ADAM23: variants seen among roughly 807,000 people sequenced by gnomAD.
The protein encoded by ADAM23 is disintegrin and metalloproteinase domain-containing protein 23.
Under a neutral mutation model 120.1 loss-of-function variants are expected in ADAM23, and 33 were observed. The ratio of observed to expected loss-of-function variants is 0.27; its 90% CI spans 0.21 to 0.37. ADAM23 has a LOEUF of 0.37. Among genes scored for constraint, ADAM23 ranks in the 10% least tolerant of loss-of-function variants. ADAM23 has a pLI of 1.00. For synonymous variants in ADAM23, 367 were observed against 375.2 expected, an observed-to-expected ratio of 0.98 and a Z score of 0.25; for missense variants, 862 against 1,058.2, an observed-to-expected ratio of 0.81 and a Z score of 2.57.
At chr2:206,539,459 A>C (rs1697246830) in intron 4 of ADAM23, among the ~76,000 whole-genome samples, 1 of 152,192 alleles carries the variant, frequency 6.6e-6, no homozygotes, top group Non-Finnish European at 1.5e-5. Flanking sequence ...TAACTGGAGA[A>C]AGAAACATGG....
At chr2:206,606,824 T>C (rs991222765) in intron 24 of ADAM23, 25 of 152,220 alleles carry the variant, frequency 1.6e-4, no homozygotes, top group African/African-American at 6.0e-4. Flanking sequence ...CATAACCCTT[T>C]ACACAGTCTT....
intron 9 of ADAM23, among the ~76,000 whole-genome samples, chr2:206,556,386 A>C (rs1697643050): frequency 6.6e-6 from 1 of 152,208 alleles, no homozygotes; most frequent in Admixed American, 6.5e-5. Flanking sequence ...AAATAAAAGA[A>C]TTTTCTAATG....
Position 206,567,277 on chromosome 2 carries a change from T to C in ADAM23, c.1449T>C (p.Phe483=). 1 of 1,614,004 alleles carries C rather than the reference T, an allele frequency of 6.2e-7. No individual in the cohort carries two copies. Among genetic ancestry groups the C allele is most frequent in the East Asian group, 2.2e-5 (1 of 44,874 alleles). The change falls in exon 15 of 26, where the codon TTT becomes TTC. Residue 483 remains phenylalanine, a synonymous_variant. Transcript: ENST00000264377. ...SKCSILEYRD[F]LQRGGGACLF... ...GCAGCATTTTGGAGTATAGAGACTT[T>C]TTACAGAGAGGAGGTGGAGCCTGCC...
intron 25 of ADAM23, among the ~76,000 whole-genome samples, chr2:206,610,529 C>T (rs918250002): frequency 3.3e-5 from 5 of 152,144 alleles, no homozygotes; most frequent in African/African-American, 7.2e-5. Context: ...GTATAATCCT[C>T]GACCAACTGA....
At chr2:206,598,787 C>A (rs767128393) in intron 24 of ADAM23, among the ~76,000 whole-genome samples, 1 of 150,922 alleles carries the variant, frequency 6.6e-6, no homozygotes, top group African/African-American at 2.4e-5. Flanking sequence ...ATAATCCCAG[C>A]TACTTGGGAG....
At chr2:206,477,556 T>G (rs924632534) in intron 2 of ADAM23, among the ~76,000 whole-genome samples, 3 of 152,104 alleles carry the variant, frequency 2.0e-5, no homozygotes, top group Admixed American at 6.6e-5. Context: ...CAAGGCTGTT[T>G]AACAGATATC....
intron 2 of ADAM23, among the ~76,000 whole-genome samples, chr2:206,463,634 A>G (rs1165018072): frequency 6.6e-6 from 1 of 152,182 alleles, no homozygotes; most frequent in Non-Finnish European, 1.5e-5. Context: ...CCGAAAAGGA[A>G]GGTTTAGGAG....
At chr2:206,550,039 A>G in intron 8 of ADAM23, 56 bp from the exon 9 acceptor site, 1 of 1,092,088 alleles carries the variant, frequency 9.2e-7, no homozygotes. Flanking sequence ...AACAGTGAGC[A>G]CTAGAGAGAT....
At chr2:206,455,307 A>G (rs1186749549) in intron 2 of ADAM23, among the ~76,000 whole-genome samples, 1 of 152,214 alleles carries the variant, frequency 6.6e-6, no homozygotes, top group Non-Finnish European at 1.5e-5. Context: ...AGCCATGGCT[A>G]GAGCTGGAGT....
Position 206,542,193 on chromosome 2 carries a change from G to GAT in ADAM23, c.656+68_656+69dup, listed in dbSNP as rs1441345069. The stretch of plus-strand genomic sequence containing the variant: ...GACCCTTTCCAGTTTCCCTTTTATG[G>GAT]ATATATATATTTTAGTGACTCTTCC... On this transcript the variant is annotated intron_variant, in intron 5 of 25. Coordinates refer to ENST00000264377, the MANE Select transcript of ADAM23 (RefSeq NM_003812.4). 17 of 1,522,858 alleles carry GAT rather than the reference G, an allele frequency of 1.1e-5. No individual in the cohort carries two copies. In the Admixed American group the frequency reaches 2.5e-4, roughly 23 times the overall value. 94.3% of individuals were successfully genotyped at this position (1,522,858 alleles called of 1,614,324 possible). A position where few individuals can be genotyped will look rare whatever the true frequency, so the allele number is the denominator to read the frequency against.
intron 18 of ADAM23, among the ~76,000 whole-genome samples, chr2:206,578,580 A>G (rs541930782): frequency 1.6e-4 from 24 of 152,024 alleles, no homozygotes; most frequent in Non-Finnish European, 3.2e-4. Context: ...ATATGTATGT[A>G]TGTACATACA....
chr2:206,497,950 T>C (rs1194734125), intron 3 of ADAM23, among the ~76,000 whole-genome samples: 1 of 152,140 alleles, frequency 6.6e-6, no homozygotes, highest in Non-Finnish European at 1.5e-5. Flanking sequence ...TTACAAGGGA[T>C]GTGAAGGAGC....
chr2:206,573,500 A>T (rs913671115), intron 18 of ADAM23, among the ~76,000 whole-genome samples: 2 of 152,166 alleles, frequency 1.3e-5, no homozygotes, highest in African/African-American at 4.8e-5. Flanking sequence ...AGATATCACT[A>T]TCTCAGCCAC....
chr2:206,588,556 T>G (rs1698368312), intron 20 of ADAM23, among the ~76,000 whole-genome samples: 1 of 152,214 alleles, frequency 6.6e-6, no homozygotes, highest in Non-Finnish European at 1.5e-5. Context: ...AATACCAGAC[T>G]TATTTTTTAA....
chr2:206,450,886 CTG>C (rs1424862899), intron 2 of ADAM23, among the ~76,000 whole-genome samples: 1 of 152,186 alleles, frequency 6.6e-6, no homozygotes, highest in Non-Finnish European at 1.5e-5. Context: ...GTGCTAGACT[CTG>C]GGGAAAACGA....
intron 2 of ADAM23, among the ~76,000 whole-genome samples, chr2:206,448,687 T>A: frequency 6.6e-6 from 1 of 152,172 alleles, no homozygotes; most frequent in East Asian, 1.9e-4. Context: ...GTCATGCCTA[T>A]GTAAGGAAGC....
At chr2:206,557,245 ATAGTCAGAGTTT>A (rs1697664715) in intron 9 of ADAM23, among the ~76,000 whole-genome samples, 170 bp from the exon 10 acceptor site, 1 of 152,170 alleles carries the variant, frequency 6.6e-6, no homozygotes, top group Non-Finnish European at 1.5e-5. Flanking sequence ...CATGTTTTAG[ATAGTCAGAGTTT>A]TGCCACCTAA....
chr2:206,573,735 A>T (rs917945090), intron 18 of ADAM23, among the ~76,000 whole-genome samples: 3 of 152,174 alleles, frequency 2.0e-5, no homozygotes, highest in Admixed American at 2.0e-4. Context: ...AATAGCAACA[A>T]TGAAAATGGC....
chr2:206,455,078 C>G (rs577281507), intron 2 of ADAM23, among the ~76,000 whole-genome samples: 6 of 152,398 alleles, frequency 3.9e-5, no homozygotes, highest in Admixed American at 2.0e-4. Context: ...CCCCTCTGCA[C>G]TGCCCTCATA....
Sources: gnomAD v4.1 joint callset for allele counts (sites outside exome capture counted in the v4.1 genomes callset) on GRCh38, gnomAD v4.1.1 for gene constraint, MANE v1.5 for transcripts, NCBI Gene and HGNC (gene_info 2026-07-23, HGNC 2026-07-21) for gene names.